The following DAAM1 variants were observed in gnomAD, a reference collection of about 807,000 sequenced individuals.
DAAM1 encodes dishevelled associated activator of morphogenesis 1.
Under a neutral mutation model 130.0 loss-of-function variants are expected in DAAM1, and 52 were observed. That is an observed-to-expected ratio of 0.40 (90% CI 0.32 to 0.50). The LOEUF is 0.50. DAAM1 is among the 20% of genes least tolerant of loss of function. The pLI, the probability that DAAM1 is intolerant of heterozygous loss-of-function variation, is 0.61. For synonymous variants in DAAM1, 452 were observed against 444.5 expected (o/e 1.02, Z -0.21); for missense variants, 1,134 against 1,303.8 (o/e 0.87, Z 2.01).
intron 24 of DAAM1, among the ~76,000 whole-genome samples, chr14:59,367,921 T>C (rs1886984288): frequency 1.3e-5 from 2 of 152,136 alleles, no homozygotes; most frequent in South Asian, 4.1e-4. Flanking sequence ...AACCTAAATG[T>C]TTACCAAAAG....
chr14:59,322,934 C>A lies in DAAM1; in HGVS notation c.483C>A (p.Ile161=), dbSNP rs1274014189. 1.2e-6 allele frequency: 2 copies of A among 1,613,870 alleles called. No homozygotes were observed. The highest frequency in any genetic ancestry group is 1.7e-5 in the Admixed American group (1 of 59,998). ...TCGACTTGGATGGCCTATCATGTAT[C>A]CTCAACTTTCTAAAGACCATGGACT... ...RFIDLDGLSC[I]LNFLKTMDYE... is the part of the protein sequence containing the mutation. The change falls in exon 6 of 25, where the codon ATC becomes ATA. Residue 161 remains isoleucine, a synonymous_variant. Transcript: ENST00000360909.
At chr14:59,360,955 T>TACCAC in intron 22 of DAAM1, 93 bp downstream of exon 22, 2 of 1,050,446 alleles carry the variant, frequency 1.9e-6, no homozygotes, top group Non-Finnish European at 2.8e-6. Flanking sequence ...TGGCATGTGG[T>TACCAC]ATGCCCGGGA....
chr14:59,367,732 C>A, intron 24 of DAAM1, 133 bp downstream of exon 24: 1 of 1,220,490 alleles, frequency 8.2e-7, no homozygotes, highest in Non-Finnish European at 1.1e-6. Flanking sequence ...TGCTGTGGGA[C>A]TTTACATTGG....
At chr14:59,218,179 C>A (rs1168409865) in intron 1 of DAAM1, among the ~76,000 whole-genome samples, 1 of 152,078 alleles carries the variant, frequency 6.6e-6, no homozygotes, top group Non-Finnish European at 1.5e-5. Context: ...TCAAACTAGC[C>A]ATCTCATATG....
intron 2 of DAAM1, among the ~76,000 whole-genome samples, chr14:59,289,776 A>ATATATATG (rs201443437): frequency 0.15 from 21,893 of 143,502 alleles, 3,134 homozygotes; most frequent in Middle Eastern, 0.23. Flanking sequence ...TGATATATAT[A>ATATATATG]TATATATAAT....
intron 11 of DAAM1, 115 bp downstream of exon 11, chr14:59,326,763 G>T (rs748611308): frequency 1.3e-5 from 20 of 1,527,660 alleles, no homozygotes; most frequent in Non-Finnish European, 1.7e-5. Context: ...GGTCAAATAT[G>T]AGTTACTGTA....
intron 15 of DAAM1, among the ~76,000 whole-genome samples, chr14:59,332,585 G>A (rs1213513255): frequency 6.6e-6 from 1 of 152,186 alleles, no homozygotes; most frequent in Non-Finnish European, 1.5e-5. Context: ...CATTGACAAG[G>A]CATCACTATG....
intron 1 of DAAM1, among the ~76,000 whole-genome samples, chr14:59,194,845 A>T (rs1271040576): frequency 6.6e-6 from 1 of 152,236 alleles, no homozygotes; most frequent in East Asian, 1.9e-4. Context: ...AAATGGGGAA[A>T]ACCAGGGAAG....
At chr14:59,290,693 G>A (rs756329906) in intron 2 of DAAM1, among the ~76,000 whole-genome samples, 11 of 152,242 alleles carry the variant, frequency 7.2e-5, no homozygotes, top group South Asian at 4.2e-4. Flanking sequence ...ATGATCCTTT[G>A]CAGAAACCCA....
intron 3 of DAAM1, among the ~76,000 whole-genome samples, chr14:59,309,569 C>G (rs1884499509): frequency 6.6e-6 from 1 of 152,156 alleles, no homozygotes. Flanking sequence ...TAAAGTGTTG[C>G]TGAAATGTGG....
chr14:59,219,780 T>C (rs1888712407), intron 1 of DAAM1, among the ~76,000 whole-genome samples: 1 of 152,196 alleles, frequency 6.6e-6, no homozygotes, highest in Non-Finnish European at 1.5e-5. Context: ...CTTCAGCCTT[T>C]CCTTATTTCT....
chr14:59,299,701 C>T (rs1017979818), intron 3 of DAAM1: 1 of 152,080 alleles, frequency 6.6e-6, no homozygotes, highest in African/African-American at 2.4e-5. Context: ...CTATGCTCAG[C>T]ACCAGAAGCT....
At chr14:59,262,000 T>C (rs1338790089) in intron 1 of DAAM1, among the ~76,000 whole-genome samples, 3 of 152,156 alleles carry the variant, frequency 2.0e-5, no homozygotes, top group Non-Finnish European at 2.9e-5. Context: ...GACCAAGATA[T>C]GTTTCTCCTC....
chr14:59,326,122 C>G (rs750274933), intron 10 of DAAM1, 45 bp downstream of exon 10: 14 of 1,564,414 alleles, frequency 8.9e-6, no homozygotes, highest in Non-Finnish European at 1.1e-5. Flanking sequence ...AATGTTTGGA[C>G]ATTGTCCTAA....
At chr14:59,324,283 T>G in intron 7 of DAAM1, 45 bp downstream of exon 7, 1 of 1,401,254 alleles carries the variant, frequency 7.1e-7, no homozygotes. Flanking sequence ...AAATAATAAT[T>G]TATAAAAAGT....
chr14:59,351,152 T>C (rs888108076), intron 17 of DAAM1, among the ~76,000 whole-genome samples: 3 of 152,042 alleles, frequency 2.0e-5, no homozygotes, highest in Non-Finnish European at 4.4e-5. Flanking sequence ...CTTTGACTCT[T>C]CCTCTCTCAT....
chr14:59,321,062 A>G (rs919590140), intron 5 of DAAM1, among the ~76,000 whole-genome samples: 3 of 152,208 alleles, frequency 2.0e-5, no homozygotes, highest in South Asian at 2.1e-4. Context: ...TAACCCGTAT[A>G]TTGATCAGCT....
intron 1 of DAAM1, among the ~76,000 whole-genome samples, chr14:59,257,087 A>T (rs1357753738): frequency 6.6e-6 from 1 of 152,120 alleles, no homozygotes; most frequent in African/African-American, 2.4e-5. Context: ...GATGGAATTC[A>T]TTTATGAGGC....
chr14:59,240,570 T>G (rs1048951569), intron 1 of DAAM1, among the ~76,000 whole-genome samples: 3 of 152,246 alleles, frequency 2.0e-5, no homozygotes, highest in African/African-American at 7.2e-5. Context: ...CCCATCTCCC[T>G]TGTCCCATCT....
Sources: allele counts gnomAD v4.1 joint callset (sites outside exome capture counted in the v4.1 genomes callset), GRCh38; gene constraint gnomAD v4.1.1; transcripts MANE v1.5; gene names NCBI Gene and HGNC (gene_info 2026-07-23, HGNC 2026-07-21).